The following HAUS6 variants were observed in gnomAD, a reference collection of about 807,000 sequenced individuals.
HAUS6 encodes HAUS augmin like complex subunit 6.
In HAUS6, 80 loss-of-function variants were observed where a neutral mutation model predicts 106.8. That is an observed-to-expected ratio of 0.75 (90% CI 0.63 to 0.90). The LOEUF (loss-of-function observed/expected upper bound fraction) is 0.90, where lower values mean the gene tolerates loss of function less well. HAUS6 is among the 40% of genes least tolerant of loss of function. HAUS6 has a pLI of 0.00. For synonymous variants in HAUS6, 356 were observed against 379.1 expected, an observed-to-expected ratio of 0.94 and a Z score of 0.71; for missense variants, 1,155 against 1,118.1, an observed-to-expected ratio of 1.03 and a Z score of -0.47.
chr9:19,056,136 A>C lies in HAUS6; in HGVS notation c.*207T>G, dbSNP rs1342965253. 1 of 428,336 alleles carries C rather than the reference A, an allele frequency of 2.3e-6. No individual in the cohort carries two copies. The highest frequency in any genetic ancestry group is 4.1e-6 in the Non-Finnish European group (1 of 243,340). The allele number at this position is 428,336 out of a possible 1,614,324, so 26.5% of individuals were successfully genotyped here. On this transcript the variant is annotated 3_prime_UTR_variant, in exon 17 of 17. Transcript: ENST00000380502. ...TTGTTGTCCAAATACTTCACATTTC[A>C]ATCTCATATACCTACAAAGAGGAAA...
intron 7 of HAUS6, among the ~76,000 whole-genome samples, chr9:19,084,051 C>CAAAAAAAAAAAAA: frequency 1.0e-5 from 1 of 100,436 alleles, no homozygotes; most frequent in Non-Finnish European, 2.1e-5. Context: ...AGGATCCTTG[C>CAAAAAAAAAAAAA]AAAAAAAAAA....
chr9:19,060,171 A>G lies in HAUS6; in HGVS notation c.1682T>C (p.Ile561Thr), dbSNP rs1202873243. The G allele has an allele frequency of 1.3e-6, 2 of 1,595,282 alleles. No individual in the cohort carries two copies. The highest frequency in any genetic ancestry group is 2.7e-5 in the African/African-American group (2 of 74,098). ...AGAGTCAATTAGTTCCTCTAATTTT[A>G]TTTCTTTTCCTTCAGAGAGCTGTGG... ...DSPQLSEGKE[I>T]KLEELIDSLG... The change falls in exon 15 of 17, where the codon ATA (isoleucine) becomes ACA (threonine). Residue 561 changes from isoleucine to threonine, a missense_variant. This residue lies in a region of HAUS6 where 761 missense variants were observed against 690.0 expected (regional missense o/e 1.10). Transcript: ENST00000380502.
chr9:19,079,634 T>G lies in HAUS6; in HGVS notation c.1064+845A>C, dbSNP rs185696305. On this transcript the variant is annotated intron_variant, in intron 9 of 16. Transcript: ENST00000380502. ...CCTATAAGCAGCCCATACTTTCTATTCTTTCTGGTTAATAAAAAAACTGTT... is the reference window on the plus strand; with the variant it reads ...CCTATAAGCAGCCCATACTTTCTATGCTTTCTGGTTAATAAAAAAACTGTT... 3.3e-5 allele frequency among the ~76,000 whole-genome samples: 5 copies of G among 152,222 alleles called. No individual in the cohort carries two copies. In the East Asian group the frequency reaches 9.7e-4, roughly 29 times the overall value.
chr9:19,090,341 G>A (rs1301435440), intron 4 of HAUS6, among the ~76,000 whole-genome samples: 1 of 152,034 alleles, frequency 6.6e-6, no homozygotes, highest in African/African-American at 2.4e-5. Context: ...TATAATAAGA[G>A]CTACTTTGCT....
chr9:19,070,174 A>G, intron 12 of HAUS6, 45 bp downstream of exon 12: 1 of 1,053,718 alleles, frequency 9.5e-7, no homozygotes, highest in Non-Finnish European at 1.4e-6. Flanking sequence ...TTTATAAAAT[A>G]AGAGTTTTTT....
At position 19,102,819 on chromosome 9, in the gene HAUS6, C is replaced by T. The variant is rs953255498; in HGVS notation, c.-168G>A. ...GATTTCGCCTCAAAGGGCCTCACAA[C>T]CTCCGGGAAATTGAGTTTCTAACGG... On this transcript the variant is annotated 5_prime_UTR_variant, in exon 1 of 17. Transcript: ENST00000380502. 1 of 609,518 alleles carries T rather than the reference C, an allele frequency of 1.6e-6. No individual in the cohort carries two copies. The highest frequency in any genetic ancestry group is 1.9e-5 in the African/African-American group (1 of 52,882). 37.8% of individuals were successfully genotyped at this position (609,518 alleles called of 1,614,324 possible).
chr9:19,081,886 GAA>G (rs1837158742), intron 8 of HAUS6, among the ~76,000 whole-genome samples: 1 of 147,304 alleles, frequency 6.8e-6, no homozygotes, highest in Non-Finnish European at 1.5e-5. Context: ...CCAACATGGT[GAA>G]ACCCCGTCTC....
intron 1 of HAUS6, among the ~76,000 whole-genome samples, chr9:19,099,697 A>G (rs1243407201): frequency 6.6e-6 from 1 of 152,190 alleles, no homozygotes; most frequent in Non-Finnish European, 1.5e-5. Flanking sequence ...TCTGGCCTCA[A>G]GCAATCTCCC....
At chr9:19,067,770 C>T (rs1207619118) in intron 12 of HAUS6, among the ~76,000 whole-genome samples, 1 of 152,090 alleles carries the variant, frequency 6.6e-6, no homozygotes, top group Admixed American at 6.6e-5. Context: ...CTCGCCGCAA[C>T]CTCCGCCACC....
intron 11 of HAUS6, 108 bp downstream of exon 11, chr9:19,076,494 T>TA (rs929409138): frequency 1.2e-3 from 759 of 641,546 alleles, no homozygotes; most frequent in South Asian, 1.6e-3. Context: ...TTCACCACAA[T>TA]AAAAAAAAAT....
At chr9:19,074,833 A>T (rs571512811) in intron 11 of HAUS6, among the ~76,000 whole-genome samples, 1 of 152,316 alleles carries the variant, frequency 6.6e-6, no homozygotes, top group East Asian at 1.9e-4. Context: ...CTCTATTTAC[A>T]GAACCTAATT....
chr9:19,061,926 T>C (rs915802570), intron 14 of HAUS6, among the ~76,000 whole-genome samples: 1 of 152,228 alleles, frequency 6.6e-6, no homozygotes, highest in African/African-American at 2.4e-5. Flanking sequence ...GAGGGAACTC[T>C]AATACCTGAA....
chr9:19,076,273 A>G (rs1313399735), intron 11 of HAUS6, among the ~76,000 whole-genome samples: 3 of 151,526 alleles, frequency 2.0e-5, no homozygotes, highest in African/African-American at 7.3e-5. Context: ...GGATCACTTG[A>G]GCCTGGGGTG....
At chr9:19,075,955 T>A (rs1836990300) in intron 11 of HAUS6, among the ~76,000 whole-genome samples, 1 of 144,106 alleles carries the variant, frequency 6.9e-6, no homozygotes. Flanking sequence ...CAAGACTCCA[T>A]CTCGGAAAAA....
intron 1 of HAUS6, among the ~76,000 whole-genome samples, chr9:19,101,581 C>A (rs1324128332): frequency 6.6e-6 from 1 of 152,048 alleles, no homozygotes; most frequent in Non-Finnish European, 1.5e-5. Context: ...ATTTTGAGAC[C>A]AGCCTGGGCA....
intron 11 of HAUS6, among the ~76,000 whole-genome samples, chr9:19,071,125 T>C (rs918177269): frequency 2.0e-5 from 3 of 152,128 alleles, no homozygotes; most frequent in Non-Finnish European, 2.9e-5. Flanking sequence ...TAATGAAAGA[T>C]GACACCATGA....
At chr9:19,091,266 C>G (rs1431496975) in intron 4 of HAUS6, among the ~76,000 whole-genome samples, 1 of 151,224 alleles carries the variant, frequency 6.6e-6, no homozygotes, top group Non-Finnish European at 1.5e-5. Flanking sequence ...CGCCACCGCA[C>G]TCCAGCTTGG....
intron 5 of HAUS6, among the ~76,000 whole-genome samples, chr9:19,087,749 G>T (rs1004099362): frequency 1.7e-4 from 25 of 150,830 alleles, no homozygotes; most frequent in African/African-American, 5.9e-4. Context: ...CAGCTACAGT[G>T]GGAAGATCAC....
At chr9:19,079,449 T>C (rs1370177743) in intron 9 of HAUS6, among the ~76,000 whole-genome samples, 1 of 151,658 alleles carries the variant, frequency 6.6e-6, no homozygotes, top group African/African-American at 2.4e-5. Context: ...CAGAATGGTC[T>C]TGAACTTCTG....
Sources: gnomAD v4.1 joint callset for allele counts (sites outside exome capture counted in the v4.1 genomes callset) on GRCh38, gnomAD v4.1.1 for gene constraint, gnomAD v4.1.1 regional missense constraint, MANE v1.5 for transcripts, NCBI Gene and HGNC (gene_info 2026-07-23, HGNC 2026-07-21) for gene names.